The following NNT variants were observed in gnomAD, a reference collection of about 807,000 sequenced individuals.
NNT encodes NAD(P) transhydrogenase, mitochondrial.
Under a neutral mutation model 104.8 loss-of-function variants are expected in NNT, and 50 were observed. The ratio of observed to expected loss-of-function variants is 0.48; its 90% CI spans 0.38 to 0.60. NNT has a LOEUF of 0.60. Among genes scored for constraint, NNT ranks in the 20% least tolerant of loss-of-function variants. The pLI is 0.00. For synonymous variants in NNT, 461 were observed against 490.4 expected, an observed-to-expected ratio of 0.94 and a Z score of 0.79; for missense variants, 1,131 against 1,330.7, an observed-to-expected ratio of 0.85 and a Z score of 2.33.
At chr5:43,663,679 C>A (rs1740487771) in intron 17 of NNT, among the ~76,000 whole-genome samples, 1 of 152,144 alleles carries the variant, frequency 6.6e-6, no homozygotes, top group Non-Finnish European at 1.5e-5. Context: ...GCCATTAGTG[C>A]AACGTAGCAG....
chr5:43,682,000 T>A (rs550037861), intron 19 of NNT, among the ~76,000 whole-genome samples: 1 of 152,110 alleles, frequency 6.6e-6, no homozygotes, highest in Non-Finnish European at 1.5e-5. Flanking sequence ...ATATCTTGCA[T>A]GTTTTTAAAA....
chr5:43,656,122 T>C (rs1264092300), intron 15 of NNT, 49 bp downstream of exon 15: 28 of 1,458,380 alleles, frequency 1.9e-5, no homozygotes, highest in Non-Finnish European at 2.6e-5. Context: ...GTTTAGGGCA[T>C]TTAGGGATCC....
intron 19 of NNT, among the ~76,000 whole-genome samples, chr5:43,684,988 A>G (rs1741908079): frequency 1.3e-5 from 2 of 152,206 alleles, no homozygotes; most frequent in Non-Finnish European, 2.9e-5. Flanking sequence ...TATAGCCCAT[A>G]CTACGGACTT....
chr5:43,654,078 T>C lies in NNT; in HGVS notation c.2059+865T>C, dbSNP rs1389467437. 1.3e-5 allele frequency among the ~76,000 whole-genome samples: 2 copies of C among 152,228 alleles called. 1 individual carries two copies. The highest frequency in any genetic ancestry group is 3.8e-4 in the East Asian group (2 of 5,204). On this transcript the variant is annotated intron_variant, in intron 14 of 21. Transcript: ENST00000344920. ...AAACAAAGTTAATAATATTAAAAAC[T>C]CGTAACTTTCTAATTAATTTACTAG...
intron 11 of NNT, among the ~76,000 whole-genome samples, chr5:43,650,091 C>G (rs1240308589): frequency 2.0e-5 from 3 of 152,216 alleles, no homozygotes; most frequent in Non-Finnish European, 4.4e-5. Context: ...ATACTTTCTT[C>G]CAGTTTACAT....
intron 4 of NNT, among the ~76,000 whole-genome samples, chr5:43,618,583 G>GT (rs1288210278): frequency 6.6e-6 from 1 of 152,230 alleles, no homozygotes; most frequent in African/African-American, 2.4e-5. Context: ...TGTGAAGGAT[G>GT]TATAGTCCTA....
At chr5:43,664,060 C>T (rs1740504188) in intron 17 of NNT, among the ~76,000 whole-genome samples, 1 of 151,622 alleles carries the variant, frequency 6.6e-6, no homozygotes, top group Non-Finnish European at 1.5e-5. Flanking sequence ...GAATGGAATG[C>T]ACCCCAAGTG....
intron 10 of NNT, among the ~76,000 whole-genome samples, chr5:43,647,477 G>A (rs1312856446): frequency 6.6e-6 from 1 of 152,130 alleles, no homozygotes; most frequent in East Asian, 1.9e-4. Context: ...ATGAAAGGAT[G>A]AACTTATATG....
At chr5:43,611,585 T>C (rs1749502225) in intron 2 of NNT, among the ~76,000 whole-genome samples, 1 of 152,192 alleles carries the variant, frequency 6.6e-6, no homozygotes, top group Non-Finnish European at 1.5e-5. Flanking sequence ...GATTCAGCAT[T>C]ATTTGCCTTT....
Position 43,628,332 on chromosome 5 carries a change from C to G in NNT, c.909C>G (p.Leu303=). The G allele has an allele frequency of 6.2e-7, 1 of 1,613,806 alleles. No homozygotes were observed. The highest frequency in any genetic ancestry group is 1.1e-5 in the South Asian group (1 of 91,050). ...AGTTCATTGAAGCTGAAATGAAACT[C>G]TTTGCTCAACAATGCAAGGAGGTAG... ...SKEFIEAEMK[L]FAQQCKEVDI... Residue 303 remains leucine, a synonymous_variant, in exon 7 of 22, where the codon CTC becomes CTG. Transcript: ENST00000344920.
chr5:43,666,835 G>T, intron 17 of NNT: 14 of 1,402,800 alleles, frequency 1.0e-5, no homozygotes, highest in Non-Finnish European at 1.4e-5. Flanking sequence ...TGGAGCTGCA[G>T]CCTGGGCCTT....
chr5:43,690,765 T>G (rs1050786091), intron 19 of NNT, among the ~76,000 whole-genome samples: 10 of 152,134 alleles, frequency 6.6e-5, no homozygotes, highest in African/African-American at 2.4e-4. Flanking sequence ...CTTTGAGTTA[T>G]ATGTAAAATA....
chr5:43,660,302 A>T (rs1740287339), intron 17 of NNT, among the ~76,000 whole-genome samples: 1 of 150,708 alleles, frequency 6.6e-6, no homozygotes, highest in Admixed American at 6.6e-5. Context: ...TGTGGTCAGC[A>T]TGATGGTTTT....
chr5:43,683,521 C>A (rs1220835307), intron 19 of NNT, among the ~76,000 whole-genome samples: 3 of 152,208 alleles, frequency 2.0e-5, no homozygotes, highest in Non-Finnish European at 2.9e-5. Flanking sequence ...TTGATGAAAT[C>A]ATTGTCACTG....
rs1000656496 is a variant in NNT at position 43,651,448 on chromosome 5, C to G, written c.1718-291C>G. On this transcript the variant is annotated intron_variant, in intron 12 of 21. Transcript: ENST00000344920. Reference sequence around the variant, plus strand: ...CAAAAATTAGCCCAGCATAGTGGCGCGAGCCTATAATCCCAGCCACTCGGG... The same window carrying G: ...CAAAAATTAGCCCAGCATAGTGGCGGGAGCCTATAATCCCAGCCACTCGGG... Among the ~76,000 whole-genome samples, 6 of 152,022 alleles carry G rather than the reference C, an allele frequency of 3.9e-5. No homozygotes were observed. The South Asian group carries it at 1.2e-3, about 32-fold the overall frequency.
intron 17 of NNT, among the ~76,000 whole-genome samples, chr5:43,659,977 A>G (rs1202075937): frequency 1.3e-5 from 2 of 152,186 alleles, no homozygotes; most frequent in Non-Finnish European, 2.9e-5. Flanking sequence ...ATATTGTCCT[A>G]CATTTAAAAA....
At chr5:43,622,055 TA>T (rs933363448) in intron 5 of NNT, among the ~76,000 whole-genome samples, 2 of 152,054 alleles carry the variant, frequency 1.3e-5, no homozygotes, top group Admixed American at 1.3e-4. Flanking sequence ...GTTTAGGATT[TA>T]AAAAAATCAT....
At chr5:43,606,059 C>CT (rs1008563205) in intron 1 of NNT, among the ~76,000 whole-genome samples, 3 of 152,116 alleles carry the variant, frequency 2.0e-5, no homozygotes, top group Non-Finnish European at 2.9e-5. Flanking sequence ...GAAACCTGTG[C>CT]TTTTTTTATA....
intron 19 of NNT, among the ~76,000 whole-genome samples, chr5:43,699,500 C>T (rs749133187): frequency 1.5e-4 from 23 of 151,894 alleles, no homozygotes; most frequent in Non-Finnish European, 2.8e-4. Flanking sequence ...ATTACAGGTG[C>T]CCACCATCAT....
Sources: gnomAD v4.1 joint callset for allele counts (sites outside exome capture counted in the v4.1 genomes callset) on GRCh38, gnomAD v4.1.1 for gene constraint, MANE v1.5 for transcripts, NCBI Gene and HGNC (gene_info 2026-07-23, HGNC 2026-07-21) for gene names.